Variants in MRM3 observed in about 807,000 individuals in gnomAD.
The protein encoded by MRM3 is mitochondrial rRNA methyltransferase 3.
In MRM3, 26 loss-of-function variants were observed where a neutral mutation model predicts 29.4. The ratio of observed to expected loss-of-function variants is 0.89; its 90% CI spans 0.65 to 1.23. The LOEUF is 1.23. Ranked by LOEUF, MRM3 falls within the 50% of genes most tolerant of loss-of-function variation. The pLI is 0.00. For missense variants in MRM3, 578 were observed against 540.2 expected (o/e 1.07, Z -0.69); for synonymous variants, 225 against 219.0 (o/e 1.03, Z -0.24).
rs149397082 is a variant in MRM3, at chr17:787,986, A to G, written c.581A>G (p.His194Arg). The G allele has an allele frequency of 5.6e-6, 9 of 1,613,940 alleles. No homozygotes were observed. Among genetic ancestry groups the G allele is most frequent in the Admixed American group, 3.3e-5 (2 of 60,030 alleles). ...GIMGIFAKPD[H>R]VKMTYPKTQL... ...TCAGGGATTTTTGCCAAGCCTGACC[A>G]TGTTAAGATGACATATCCAAAGACT... The change falls in exon 3 of 4, where the codon CAT becomes CGT. Residue 194 changes from histidine (H) to arginine (R), a missense_variant. Coordinates refer to ENST00000304478, the MANE Select transcript of MRM3 (RefSeq NM_018146.4). This position sits in a 1 kb window ranked among gnomAD's most constrained non-coding sequence, Gnocchi z 4.1.
chr17:788,472 CTTTT>C (rs56865712), intron 3 of MRM3, among the ~76,000 whole-genome samples: 17 of 121,030 alleles, frequency 1.4e-4, no homozygotes, highest in African/African-American at 4.6e-4. Flanking sequence ...TTGGTCTGGT[CTTTT>C]TTTTTTTTTT....
chr17:784,250 G>C (rs948372580), intron 2 of MRM3, among the ~76,000 whole-genome samples: 4 of 152,184 alleles, frequency 2.6e-5, no homozygotes, highest in African/African-American at 9.7e-5. Flanking sequence ...AGATTCTGGG[G>C]AACCATCTCT....
rs528258356 is a variant in MRM3, at chr17:787,498, A to G, written c.560-467A>G. ...GGGGGAGGAGAGTGGTACTGGTAGA[A>G]TTTTATGTTGTTTGAATTTTGCCAA... On this transcript the variant is annotated intron_variant, in intron 2 of 3. Transcript: ENST00000304478. The surrounding 1 kb of genome is among the most constrained non-coding windows in gnomAD (Gnocchi z 4.1). Among the ~76,000 whole-genome samples the G allele has an allele frequency of 6.6e-6, 1 of 152,200 alleles. No homozygotes were observed. The highest frequency in any genetic ancestry group is 1.9e-4 in the East Asian group (1 of 5,180).
rs1198698217 is a variant in MRM3 at position 787,228 on chromosome 17, AGAGT to A, written c.560-733_560-730del. Among the ~76,000 whole-genome samples the A allele has an allele frequency of 2.6e-5, 4 of 152,182 alleles. No individual in the cohort carries two copies. The highest frequency in any genetic ancestry group is 5.9e-5 in the Non-Finnish European group (4 of 68,032). On this transcript the variant is annotated intron_variant, in intron 2 of 3. Transcript: ENST00000304478. This position sits in a 1 kb window ranked among gnomAD's most constrained non-coding sequence, Gnocchi z 4.1. ...ACCATTGTACTCCAGCCTGGGCAACAGAGTGAGAGAGTGGGACTCTGTCTCAAAA... is the reference window on the plus strand; with the variant it reads ...ACCATTGTACTCCAGCCTGGGCAACAGAGAGAGTGGGACTCTGTCTCAAAA...
chr17:791,968 A>C lies in MRM3; in HGVS notation c.1162A>C (p.Ser388Arg), dbSNP rs1352042516. Residue 388 changes from serine (S) to arginine (R), a missense_variant, in exon 4 of 4, where the codon AGC (serine) becomes CGC (arginine). By Grantham distance (110) the Ser-to-Arg change is moderately radical. Coordinates refer to ENST00000304478, the MANE Select transcript of MRM3 (RefSeq NM_018146.4). ...GATCCCCGTTGTGCCTGGTGTGGACAGCCTCAACTCGGCCATGGCGGCAAG... is the reference window on the plus strand; with the variant it reads ...GATCCCCGTTGTGCCTGGTGTGGACCGCCTCAACTCGGCCATGGCGGCAAG... ...LLIPVVPGVD[S>R]LNSAMAASIL... 1.2e-6 allele frequency: 2 copies of C among 1,614,056 alleles called. No individual in the cohort carries two copies.
In MRM3 at chr17:792,106, G is replaced by A; in HGVS notation, c.*37G>A. Reference sequence around the variant, plus strand: ...TGACTTCTGCTTGAGGACGTCTGCAGCTCCTCCTACACCAGCACACTGGTG... The same window carrying A: ...TGACTTCTGCTTGAGGACGTCTGCAACTCCTCCTACACCAGCACACTGGTG... On this transcript the variant is annotated 3_prime_UTR_variant, in exon 4 of 4. Transcript: ENST00000304478. 6.5e-7 allele frequency: 1 copy of A among 1,550,016 alleles called. No individual in the cohort carries two copies. The highest frequency in any genetic ancestry group is 8.7e-7 in the Non-Finnish European group (1 of 1,144,986).
Position 790,587 on chromosome 17 carries a change from CCA to C in MRM3, c.728-945_728-944del, listed in dbSNP as rs1236511517. ...GCTCACCTCCTGTGCCGCCACAGCG[CCA>C]CCGCTGATTGGCCGGCTCACCCCCT... On this transcript the variant is annotated intron_variant, in intron 3 of 3. Coordinates refer to ENST00000304478, the MANE Select transcript of MRM3 (RefSeq NM_018146.4). 3.0e-3 allele frequency: 541 copies of C among 181,776 alleles called. 1 individual carries two copies. Among genetic ancestry groups the C allele is most frequent in the Middle Eastern group, 8.2e-3 (3 of 364 alleles). The allele number at this position is 181,776 out of a possible 1,614,324, so 11.3% of individuals were successfully genotyped here.
Position 787,521 on chromosome 17 carries a change from C to G in MRM3, c.560-444C>G, listed in dbSNP as rs746077767. 2.0e-5 allele frequency among the ~76,000 whole-genome samples: 3 copies of G among 151,838 alleles called. No individual in the cohort carries two copies. The highest frequency in any genetic ancestry group is 2.0e-4 in the Admixed American group (3 of 15,230). ...GAATTTTATGTTGTTTGAATTTTGC[C>G]AATCAGAATGTATTCGTGGTTTTTT... is the stretch of plus-strand genomic sequence containing the variant. On this transcript the variant is annotated intron_variant, in intron 2 of 3. Transcript: ENST00000304478. The surrounding 1 kb of genome is among the most constrained non-coding windows in gnomAD (Gnocchi z 4.1).
At position 788,079 on chromosome 17, in the gene MRM3, C is replaced by CA; in HGVS notation, c.676dup (p.Ile226AsnfsTer43). ...CTCCGTGACCCTGGGAACCTGGGGA[C>CA]AATTCTGAGATCTGCAGCTGGGGCA... On this transcript the variant is annotated frameshift_variant, in exon 3 of 4. Transcript: ENST00000304478. LOFTEE classifies it high-confidence loss of function. The CA allele has an allele frequency of 6.2e-7, 1 of 1,614,144 alleles. No individual in the cohort carries two copies. The highest frequency in any genetic ancestry group is 8.5e-7 in the Non-Finnish European group (1 of 1,180,024).
At chr17:782,792 C>T in intron 1 of MRM3, 100 bp downstream of exon 1, 12 of 1,293,952 alleles carry the variant, frequency 9.3e-6, no homozygotes, top group South Asian at 1.5e-5. Context: ...CCAGTACAGC[C>T]CGCTGGTTTT....
intron 3 of MRM3, chr17:790,082 C>T (rs1045062443): frequency 3.3e-5 from 5 of 152,322 alleles, no homozygotes; most frequent in African/African-American, 4.8e-5. Flanking sequence ...GTTCGTCTAT[C>T]CCGAGGTTTG....
chr17:787,850 G>A lies in MRM3; in HGVS notation c.560-115G>A, dbSNP rs112879154. Reference sequence around the variant, plus strand: ...AGGCATGAGCCAGTACACCTGGCCTGTATTCCTGTATTTTTATGTAACTAA... The same window carrying A: ...AGGCATGAGCCAGTACACCTGGCCTATATTCCTGTATTTTTATGTAACTAA... On this transcript the variant is annotated intron_variant, in intron 2 of 3. Transcript: ENST00000304478. The surrounding 1 kb of genome is among the most constrained non-coding windows in gnomAD (Gnocchi z 4.1). 31 of 1,103,664 alleles carry A rather than the reference G, an allele frequency of 2.8e-5. 1 individual carries two copies. Among genetic ancestry groups the A allele is most frequent in the African/African-American group, 2.5e-4 (16 of 64,286 alleles). The allele number at this position is 1,103,664 out of a possible 1,614,324, so 68.4% of individuals were successfully genotyped here.
At position 782,657 on chromosome 17, in the gene MRM3, C is replaced by T. The variant is rs1910192134; in HGVS notation, c.279C>T (p.Arg93=). 9 of 1,612,182 alleles carry T rather than the reference C, an allele frequency of 5.6e-6. No homozygotes were observed. Among genetic ancestry groups the T allele is most frequent in the Non-Finnish European group, 6.8e-6 (8 of 1,178,856 alleles). The change falls in exon 1 of 4, where the codon CGC becomes CGT. Residue 93 remains arginine (R), a synonymous_variant. Coordinates refer to ENST00000304478, the MANE Select transcript of MRM3 (RefSeq NM_018146.4). ...GCACCTGGGAAGAGTCTGGGCTTCG[C>T]TACGATAAAGCTTATCCCGGGGACA... is the stretch of plus-strand genomic sequence containing the variant. ...APSTWEESGL[R]YDKAYPGDRR... is the part of the protein sequence containing the mutation.
At chr17:788,470 G>A (rs1255420311) in intron 3 of MRM3, among the ~76,000 whole-genome samples, 2 of 145,104 alleles carry the variant, frequency 1.4e-5, no homozygotes, top group Non-Finnish European at 3.0e-5. Context: ...AGTTGGTCTG[G>A]TCTTTTTTTT....
At chr17:788,355 C>T (rs894952135) in intron 3 of MRM3, among the ~76,000 whole-genome samples, 3 of 151,908 alleles carry the variant, frequency 2.0e-5, no homozygotes, top group Admixed American at 6.6e-5. Context: ...TTGCTTGAGC[C>T]TGGGATGTCA....
chr17:788,253 C>T, intron 3 of MRM3, 121 bp downstream of exon 3: 2 of 919,440 alleles, frequency 2.2e-6, no homozygotes, highest in East Asian at 2.5e-5. Flanking sequence ...CATAGTGAGA[C>T]CTCATCTCTA....
In MRM3 at chr17:787,652, G is replaced by A. The variant is rs1008116417; in HGVS notation, c.560-313G>A. 9.2e-5 allele frequency among the ~76,000 whole-genome samples: 14 copies of A among 152,052 alleles called. No individual in the cohort carries two copies. Among genetic ancestry groups the A allele is most frequent in the South Asian group, 6.2e-4 (3 of 4,826 alleles). ...CAACCTCCACCTCCCAGATTCAAGC[G>A]ATTCTCCTGCCTCAGCCTCCCAGGT... On this transcript the variant is annotated intron_variant, in intron 2 of 3. Transcript: ENST00000304478. The surrounding 1 kb of genome is among the most constrained non-coding windows in gnomAD (Gnocchi z 4.1).
In MRM3 at chr17:787,854, T is replaced by C; in HGVS notation, c.560-111T>C. ...ATGAGCCAGTACACCTGGCCTGTAT[T>C]CCTGTATTTTTATGTAACTAAGACC... On this transcript the variant is annotated intron_variant, in intron 2 of 3. Coordinates refer to ENST00000304478, the MANE Select transcript of MRM3 (RefSeq NM_018146.4). The surrounding 1 kb of genome is among the most constrained non-coding windows in gnomAD (Gnocchi z 4.1). 1 of 1,135,026 alleles carries C rather than the reference T, an allele frequency of 8.8e-7. No homozygotes were observed. The highest frequency in any genetic ancestry group is 1.3e-6 in the Non-Finnish European group (1 of 764,942). The allele number at this position is 1,135,026 out of a possible 1,614,324, so 70.3% of individuals were successfully genotyped here.
In MRM3 at chr17:791,820, G is replaced by A. The variant is rs750958210; in HGVS notation, c.1014G>A (p.Glu338=). The change falls in exon 4 of 4, where the codon GAG becomes GAA. Residue 338 remains glutamate, a synonymous_variant. Transcript: ENST00000304478. Reference sequence around the variant, plus strand: ...GTCAAGATTGGCTGCCTCATGTTGAGGTTCAGAGTTACGACTCGGACTGGA... The same window carrying A: ...GTCAAGATTGGCTGCCTCATGTTGAAGTTCAGAGTTACGACTCGGACTGGA... ...GASQDWLPHV[E]VQSYDSDWTE... is the part of the protein sequence containing the mutation. 18 of 1,614,208 alleles carry A rather than the reference G, an allele frequency of 1.1e-5. No homozygotes were observed. The East Asian group carries it at 4.0e-4, about 36-fold the overall frequency.
Sources: gnomAD v4.1 joint callset for allele counts (sites outside exome capture counted in the v4.1 genomes callset) on GRCh38, gnomAD v4.1.1 for gene constraint, Gnocchi (gnomAD v3.1) non-coding constraint, MANE v1.5 for transcripts, NCBI Gene and HGNC (gene_info 2026-07-23, HGNC 2026-07-21) for gene names.